The following STAC variants were observed in gnomAD, a reference collection of about 807,000 sequenced individuals.
STAC encodes the protein SH3 and cysteine rich domain, also known as SH3 and cysteine-rich domain-containing protein.
Under a neutral mutation model 48.8 loss-of-function variants are expected in STAC, and 43 were observed. The ratio of observed to expected loss-of-function variants is 0.88; its 90% CI spans 0.69 to 1.14. The LOEUF (loss-of-function observed/expected upper bound fraction) is 1.14, where lower values mean the gene tolerates loss of function less well. Among genes scored for constraint, STAC ranks in the 50% most tolerant of loss-of-function variants. The pLI is 0.00. For synonymous variants in STAC, 193 were observed against 179.5 expected, an observed-to-expected ratio of 1.07 and a Z score of -0.60; for missense variants, 497 against 504.0, an observed-to-expected ratio of 0.99 and a Z score of 0.13.
At chr3:36,475,277 TCTA>T (rs1697461923) in intron 2 of STAC, among the ~76,000 whole-genome samples, 2 of 152,072 alleles carry the variant, frequency 1.3e-5, no homozygotes, top group South Asian at 4.2e-4. Flanking sequence ...TTTTTTTAAT[TCTA>T]CTATGGAGCA....
intron 6 of STAC, among the ~76,000 whole-genome samples, chr3:36,501,477 G>C (rs976671289): frequency 1.3e-5 from 2 of 151,942 alleles, no homozygotes; most frequent in African/African-American, 4.8e-5. Context: ...AAACATAACA[G>C]AGATTGAAAA....
intron 2 of STAC, among the ~76,000 whole-genome samples, chr3:36,451,750 T>C (rs1696690581): frequency 6.6e-6 from 1 of 152,234 alleles, no homozygotes; most frequent in Non-Finnish European, 1.5e-5. Flanking sequence ...CATTTCTTTG[T>C]GTTGGGAATA....
intron 2 of STAC, among the ~76,000 whole-genome samples, chr3:36,473,368 A>T (rs538098552): frequency 6.6e-6 from 1 of 152,282 alleles, no homozygotes; most frequent in Non-Finnish European, 1.5e-5. Flanking sequence ...TGAGTTAGCT[A>T]TGTGCAGTTC....
chr3:36,431,144 T>G (rs770378484), intron 1 of STAC, among the ~76,000 whole-genome samples: 1 of 152,234 alleles, frequency 6.6e-6, no homozygotes, highest in Non-Finnish European at 1.5e-5. Context: ...TCAATCAGAA[T>G]CTAGAGAGCT....
intron 1 of STAC, among the ~76,000 whole-genome samples, 195 bp downstream of exon 1, chr3:36,380,949 C>G (rs966199545): frequency 2.2e-5 from 3 of 135,184 alleles, no homozygotes; most frequent in Non-Finnish European, 3.4e-5. Context: ...CCCAGCCTTC[C>G]CGCCCACACA....
At chr3:36,437,050 G>C (rs1024646327) in intron 1 of STAC, among the ~76,000 whole-genome samples, 1 of 151,984 alleles carries the variant, frequency 6.6e-6, no homozygotes, top group African/African-American at 2.4e-5. Context: ...GGCCATCAGA[G>C]AAATGCAAAT....
chr3:36,384,392 A>C (rs750023466), intron 1 of STAC, among the ~76,000 whole-genome samples: 1 of 152,072 alleles, frequency 6.6e-6, no homozygotes, highest in African/African-American at 2.4e-5. Context: ...CCTCATGGGG[A>C]TGCTGATGGG....
intron 5 of STAC, among the ~76,000 whole-genome samples, chr3:36,492,031 A>AAAAAAAAT (rs1553639882): frequency 2.4e-4 from 4 of 16,438 alleles, no homozygotes; most frequent in African/African-American, 3.8e-4. Flanking sequence ...AAAAAAAAAA[A>AAAAAAAAT]ATATATATAT....
chr3:36,510,507 C>T (rs1395617228), intron 8 of STAC, among the ~76,000 whole-genome samples: 5 of 152,088 alleles, frequency 3.3e-5, no homozygotes, highest in African/African-American at 9.7e-5. Context: ...CACATGTACA[C>T]GTATGTTTAT....
In STAC at chr3:36,519,355, T is replaced by C. The variant is rs138630911; in HGVS notation, c.921-9341T>C. On this transcript the variant is annotated intron_variant, in intron 8 of 10. Coordinates refer to ENST00000273183, the MANE Select transcript of STAC (RefSeq NM_003149.3). ...CCAGTGAGAAAATGTATGGTTCTTT[T>C]TTCTCTTTCTGGAGGTGAGGTAGGA... 4.6e-5 allele frequency among the ~76,000 whole-genome samples: 7 copies of C among 152,328 alleles called. No homozygotes were observed. The East Asian group carries it at 1.4e-3, about 29-fold the overall frequency.
intron 2 of STAC, among the ~76,000 whole-genome samples, chr3:36,471,578 A>G (rs527530934): frequency 1.3e-5 from 2 of 152,344 alleles, no homozygotes; most frequent in Admixed American, 6.5e-5. Flanking sequence ...GTTACTTCCT[A>G]TAATGGGGGT....
At position 36,503,800 on chromosome 3, in the gene STAC, G is replaced by A. The variant is rs1698334612; in HGVS notation, c.767-593G>A. 2.0e-5 allele frequency among the ~76,000 whole-genome samples: 3 copies of A among 152,198 alleles called. No individual in the cohort carries two copies. In the South Asian group the frequency reaches 6.2e-4, roughly 32 times the overall value. ...CAGAGTGGATACTTAAATACAAAAG[G>A]AAGAAAATTATACTTCCCAAGAATA... is the stretch of plus-strand genomic sequence containing the variant. On this transcript the variant is annotated intron_variant, in intron 6 of 10. Coordinates refer to ENST00000273183, the MANE Select transcript of STAC (RefSeq NM_003149.3).
chr3:36,484,313 C>G (rs1039241510), intron 3 of STAC, among the ~76,000 whole-genome samples: 3 of 152,206 alleles, frequency 2.0e-5, no homozygotes, highest in Admixed American at 2.0e-4. Flanking sequence ...ACTGGGCCAC[C>G]AAGTTCCCAT....
intron 7 of STAC, 52 bp downstream of exon 7, chr3:36,504,509 C>T: frequency 6.6e-7 from 1 of 1,520,530 alleles, no homozygotes; most frequent in Non-Finnish European, 9.1e-7. Context: ...TTAGATAGAC[C>T]TGCAGGTCAC....
intron 1 of STAC, among the ~76,000 whole-genome samples, chr3:36,439,547 G>C (rs985606925): frequency 2.6e-5 from 4 of 152,174 alleles, no homozygotes; most frequent in Non-Finnish European, 5.9e-5. Context: ...ACCTCTCCCT[G>C]AGTTGCACAT....
In STAC at chr3:36,443,426, C is replaced by A; in HGVS notation, c.174C>A (p.Asp58Glu). Reference sequence around the variant, plus strand: ...AGAGTTTACGGAGCAAAAGTGCTGACAACTTCTTCCAGCGAACCAACAGCG... The same window carrying A: ...AGAGTTTACGGAGCAAAAGTGCTGAAAACTTCTTCCAGCGAACCAACAGCG... ...KTKSLRSKSA[D>E]NFFQRTNSED... The change falls in exon 2 of 11, where the codon GAC becomes GAA. Residue 58 changes from aspartate to glutamate, a missense_variant. Asp to Glu is a conservative substitution (Grantham distance 45). Coordinates refer to ENST00000273183, the MANE Select transcript of STAC (RefSeq NM_003149.3). The surrounding 1 kb of genome is among the most constrained non-coding windows in gnomAD (Gnocchi z 4.2). 6.2e-7 allele frequency: 1 copy of A among 1,614,192 alleles called. No homozygotes were observed.
chr3:36,463,569 T>C (rs1008778722), intron 2 of STAC, among the ~76,000 whole-genome samples: 1 of 151,792 alleles, frequency 6.6e-6, no homozygotes, highest in African/African-American at 2.4e-5. Context: ...ATCGTGCAGG[T>C]TAGTTACATA....
chr3:36,546,208 A>G lies in STAC; in HGVS notation c.1128A>G (p.Glu376=), dbSNP rs777457169. The G allele has an allele frequency of 9.3e-6, 15 of 1,614,006 alleles. No individual in the cohort carries two copies. Among genetic ancestry groups the G allele is most frequent in the Non-Finnish European group, 1.2e-5 (14 of 1,179,910 alleles). The change falls in exon 11 of 11, where the codon GAA becomes GAG. Residue 376 remains glutamate, a synonymous_variant. Transcript: ENST00000273183. ...GCATTCAGATCTGCGTGAGTTCTGAAGAAGAACAAGATGGTTTTATCAGAG... is the reference window on the plus strand; with the variant it reads ...GCATTCAGATCTGCGTGAGTTCTGAGGAAGAACAAGATGGTTTTATCAGAG... The part of the protein sequence containing the change: ...LKENQICVSS[E]EEQDGFIRVL...
rs569488231 is a variant in STAC, at chr3:36,531,797, T to C, written c.1110+2812T>C. Among the ~76,000 whole-genome samples, 90 of 152,274 alleles carry C rather than the reference T, an allele frequency of 5.9e-4. No individual in the cohort carries two copies. The South Asian group carries it at 0.014, about 25-fold the overall frequency. Reference sequence around the variant, plus strand: ...CTGGCACCTGTGGTGCAATTAGATCTTCTGCCTTTGGAGAAGTGAGGAGAG... The same window carrying C: ...CTGGCACCTGTGGTGCAATTAGATCCTCTGCCTTTGGAGAAGTGAGGAGAG... On this transcript the variant is annotated intron_variant, in intron 10 of 10. Transcript: ENST00000273183.
Sources: gnomAD v4.1 joint callset for allele counts (sites outside exome capture counted in the v4.1 genomes callset) on GRCh38, gnomAD v4.1.1 for gene constraint, Gnocchi (gnomAD v3.1) non-coding constraint, MANE v1.5 for transcripts, NCBI Gene and HGNC (gene_info 2026-07-23, HGNC 2026-07-21) for gene names.